The following CYRIA variants were observed in gnomAD, a reference collection of about 807,000 sequenced individuals.
The protein encoded by CYRIA is CYFIP related Rac1 interactor A, also known as CYFIP-related Rac1 interactor A.
Under a neutral mutation model 43.9 loss-of-function variants are expected in CYRIA, and 15 were observed. The ratio of observed to expected loss-of-function variants is 0.34; its 90% CI spans 0.23 to 0.53. The LOEUF (loss-of-function observed/expected upper bound fraction) is 0.53, where lower values mean the gene tolerates loss of function less well. Ranked by LOEUF, CYRIA falls within the 20% of genes least tolerant of loss-of-function variation. The pLI is 0.94. For synonymous variants in CYRIA, 117 were observed against 136.0 expected (o/e 0.86, Z 0.97); for missense variants, 236 against 394.2 (o/e 0.60, Z 3.40).
At chr2:16,580,914 T>C (rs1667528142) in intron 3 of CYRIA, among the ~76,000 whole-genome samples, 2 of 152,148 alleles carry the variant, frequency 1.3e-5, no homozygotes, top group Admixed American at 1.3e-4. Flanking sequence ...GAAAAAATAA[T>C]AAACCTAATA....
rs946890993 is a variant in CYRIA, at chr2:16,551,517, T to A, written c.*1419A>T. ...AAGCATCCTGGGTTCTAGGCCCACA[T>A]GGGAGCCATCCTGTATGACCACATC... On this transcript the variant is annotated 3_prime_UTR_variant, in exon 12 of 12. Coordinates refer to ENST00000381323, the MANE Select transcript of CYRIA (RefSeq NM_030797.4). 1.3e-5 allele frequency: 2 copies of A among 152,152 alleles called. No homozygotes were observed. The highest frequency in any genetic ancestry group is 2.9e-5 in the Non-Finnish European group (2 of 68,032). The allele number at this position is 152,152 out of a possible 1,614,324, so 9.4% of individuals were successfully genotyped here.
intron 10 of CYRIA, among the ~76,000 whole-genome samples, chr2:16,557,221 A>G (rs1053622849): frequency 7.2e-5 from 11 of 152,240 alleles, no homozygotes; most frequent in African/African-American, 2.6e-4. Context: ...CCCTGCCTGG[A>G]GGACTCTGCT....
At position 16,552,896 on chromosome 2, in the gene CYRIA, T is replaced by G; in HGVS notation, c.*40A>C. The G allele has an allele frequency of 8.0e-7, 1 of 1,243,324 alleles. No individual in the cohort carries two copies. The highest frequency in any genetic ancestry group is 1.2e-6 in the Non-Finnish European group (1 of 841,226). The allele number at this position is 1,243,324 out of a possible 1,614,324, so 77.0% of individuals were successfully genotyped here. A position where few individuals can be genotyped will look rare whatever the true frequency, so the allele number is the denominator to read the frequency against. ...TTAAATTATGTAAACATATACATCT[T>G]CTGAGGTCAGCACATAGATCCTCTT... is the stretch of plus-strand genomic sequence containing the variant. On this transcript the variant is annotated 3_prime_UTR_variant, in exon 12 of 12. Transcript: ENST00000381323.
chr2:16,665,467 G>A (rs1280715028), intron 1 of CYRIA, among the ~76,000 whole-genome samples: 1 of 151,924 alleles, frequency 6.6e-6, no homozygotes, highest in African/African-American at 2.4e-5. Context: ...TACCTGGGGT[G>A]GGGGGTAAGT....
intron 2 of CYRIA, among the ~76,000 whole-genome samples, chr2:16,621,680 C>T (rs1669001100): frequency 1.3e-5 from 2 of 152,180 alleles, no homozygotes; most frequent in African/African-American, 4.8e-5. Flanking sequence ...AGTTCTGGCT[C>T]TTCCTTCTAG....
At chr2:16,640,694 A>T (rs1047971964) in intron 1 of CYRIA, among the ~76,000 whole-genome samples, 4 of 152,198 alleles carry the variant, frequency 2.6e-5, no homozygotes, top group Non-Finnish European at 5.9e-5. Context: ...GTGCAACAGA[A>T]GATCAGAGAT....
chr2:16,605,117 C>T (rs559324842), intron 2 of CYRIA, among the ~76,000 whole-genome samples: 8 of 55,442 alleles, frequency 1.4e-4, no homozygotes, highest in East Asian at 5.9e-4. Flanking sequence ...AGGCAATTCA[C>T]GGGAATTCTA....
chr2:16,584,307 C>T (rs371684056), intron 3 of CYRIA, among the ~76,000 whole-genome samples: 2 of 152,206 alleles, frequency 1.3e-5, no homozygotes. Context: ...GGATAGAGCC[C>T]GCTTCACTCT....
intron 10 of CYRIA, among the ~76,000 whole-genome samples, chr2:16,556,758 G>A (rs1445261394): frequency 6.6e-6 from 1 of 152,148 alleles, no homozygotes; most frequent in East Asian, 1.9e-4. Context: ...GGTGTGAGGT[G>A]TGGGAGCAGC....
chr2:16,556,851 G>A (rs1271182954), intron 10 of CYRIA, among the ~76,000 whole-genome samples: 6 of 152,072 alleles, frequency 3.9e-5, no homozygotes, highest in Non-Finnish European at 8.8e-5. Flanking sequence ...GATATGGGGT[G>A]AAGAAGCCAT....
chr2:16,572,671 G>A (rs1417602203), intron 3 of CYRIA, among the ~76,000 whole-genome samples: 1 of 152,158 alleles, frequency 6.6e-6, no homozygotes. Flanking sequence ...CATAGTCAGA[G>A]TATTTTTAAG....
At chr2:16,659,390 G>A (rs1020839945) in intron 1 of CYRIA, among the ~76,000 whole-genome samples, 1 of 152,192 alleles carries the variant, frequency 6.6e-6, no homozygotes, top group African/African-American at 2.4e-5. Flanking sequence ...CCATAAAATG[G>A]GGATAATATC....
intron 11 of CYRIA, 89 bp from the exon 12 acceptor site, chr2:16,553,088 A>G: frequency 1.2e-6 from 1 of 816,920 alleles, no homozygotes. Flanking sequence ...CACAATTGAT[A>G]TTTGGGCTTA....
chr2:16,580,918 C>A (rs1037453750), intron 3 of CYRIA, among the ~76,000 whole-genome samples: 2 of 152,078 alleles, frequency 1.3e-5, no homozygotes, highest in African/African-American at 2.4e-5. Context: ...AAATAATAAA[C>A]CTAATACCTT....
At position 16,585,230 on chromosome 2, in the gene CYRIA, A is replaced by AT. The variant is rs939861787; in HGVS notation, c.70+2819dup. 1.2e-3 allele frequency among the ~76,000 whole-genome samples: 178 copies of AT among 152,110 alleles called. 1 individual carries two copies. Among genetic ancestry groups the AT allele is most frequent in the Admixed American group, 3.3e-3 (50 of 15,262 alleles). On this transcript the variant is annotated intron_variant, in intron 3 of 11. Coordinates refer to ENST00000381323, the MANE Select transcript of CYRIA (RefSeq NM_030797.4). ...GAAATAGGATTTTCAGGATAAAAAA[A>AT]TTTTTTTTCCATGGAATGTCTTAGT...
At chr2:16,585,417 G>A (rs1171832069) in intron 3 of CYRIA, among the ~76,000 whole-genome samples, 1 of 152,010 alleles carries the variant, frequency 6.6e-6, no homozygotes, top group Non-Finnish European at 1.5e-5. Context: ...CATTTCCTGT[G>A]TGACTTCACC....
rs1666297146 is a variant in CYRIA, at chr2:16,551,202, T to A, written c.*1734A>T. On this transcript the variant is annotated 3_prime_UTR_variant, in exon 12 of 12. Coordinates refer to ENST00000381323, the MANE Select transcript of CYRIA (RefSeq NM_030797.4). ...AAAACAACATAAGACAAGTATTTTT[T>A]CCCCTTTATTGGAGGATCCAAGGGA... 6.6e-6 allele frequency: 1 copy of A among 152,150 alleles called. No homozygotes were observed. Among genetic ancestry groups the A allele is most frequent in the African/African-American group, 2.4e-5 (1 of 41,438 alleles). 9.4% of individuals were successfully genotyped at this position (152,150 alleles called of 1,614,324 possible). A position where few individuals can be genotyped will look rare whatever the true frequency, so the allele number is the denominator to read the frequency against.
rs1045366981 is a variant in CYRIA, at chr2:16,658,740, C to G, written c.-167+7040G>C. Among the ~76,000 whole-genome samples, 7 of 151,880 alleles carry G rather than the reference C, an allele frequency of 4.6e-5. No homozygotes were observed. The East Asian group carries it at 1.3e-3, about 29-fold the overall frequency. On this transcript the variant is annotated intron_variant, in intron 1 of 11. Coordinates refer to ENST00000381323, the MANE Select transcript of CYRIA (RefSeq NM_030797.4). ...TCCTTCCACCCTTCCTTTTCTCTTC[C>G]TTTTCTTTTCTCTTCATTCCATCCA...
intron 8 of CYRIA, 45 bp from the exon 9 acceptor site, chr2:16,561,114 T>C: frequency 6.2e-7 from 1 of 1,610,640 alleles, no homozygotes; most frequent in South Asian, 1.1e-5. Flanking sequence ...TTGCAGCTCT[T>C]GTGTGGAATT....
Sources: gnomAD v4.1 joint callset for allele counts (sites outside exome capture counted in the v4.1 genomes callset) on GRCh38, gnomAD v4.1.1 for gene constraint, MANE v1.5 for transcripts, NCBI Gene and HGNC (gene_info 2026-07-23, HGNC 2026-07-21) for gene names.